Variants in USP34 observed in about 807,000 individuals in gnomAD.
USP34 encodes the protein ubiquitin specific peptidase 34.
A neutral mutation model predicts 460.3 loss-of-function variants in USP34; 70 were observed. The ratio of observed to expected loss-of-function variants is 0.15; its 90% confidence interval spans 0.13 to 0.19. The LOEUF (loss-of-function observed/expected upper bound fraction) is 0.19, where lower values mean the gene tolerates loss of function less well. Among genes scored for constraint, USP34 ranks in the 10% least tolerant of loss-of-function variants. The pLI, the probability that USP34 is intolerant of heterozygous loss-of-function variation, is 1.00. For missense variants in USP34, 3,985 were observed against 4,236.2 expected (o/e 0.94, Z 1.65); for synonymous variants, 1,647 against 1,405.3 (o/e 1.17, Z -3.85).
chr2:61,398,128 C>A (rs1320892379), intron 3 of USP34, among the ~76,000 whole-genome samples: 1 of 152,088 alleles, frequency 6.6e-6, no homozygotes, highest in East Asian at 1.9e-4. Flanking sequence ...AATCCCAGCA[C>A]TGTGGGAGGC....
chr2:61,430,639 T>C (rs570608925), intron 1 of USP34, among the ~76,000 whole-genome samples: 2 of 152,358 alleles, frequency 1.3e-5, no homozygotes, highest in East Asian at 3.9e-4. Flanking sequence ...AACAATTTAG[T>C]TAATTTTTAA....
At chr2:61,383,668 C>T (rs564836455) in intron 5 of USP34, among the ~76,000 whole-genome samples, 112 of 152,064 alleles carry the variant, frequency 7.4e-4, no homozygotes, top group African/African-American at 2.4e-3. Context: ...TGTGGTGAGC[C>T]GAGATTGTGC....
intron 67 of USP34, 45 bp downstream of exon 67, chr2:61,220,265 G>A: frequency 6.8e-7 from 1 of 1,461,696 alleles, no homozygotes; most frequent in Non-Finnish European, 9.1e-7. Flanking sequence ...ACATAACTTT[G>A]AACAATAAAT....
chr2:61,222,702 T>A (rs1687620766), intron 64 of USP34, 39 bp from the exon 65 acceptor site: 1 of 1,593,784 alleles, frequency 6.3e-7, no homozygotes. Flanking sequence ...TATTCTTGTT[T>A]TGTTTTGTTT....
At chr2:61,377,552 A>G (rs1035358828) in intron 8 of USP34, among the ~76,000 whole-genome samples, 1 of 152,112 alleles carries the variant, frequency 6.6e-6, no homozygotes, top group Non-Finnish European at 1.5e-5. Flanking sequence ...TAGTGGCCTA[A>G]TAAAAGGGAC....
At chr2:61,273,791 ACAAAT>A (rs966423313) in intron 41 of USP34, among the ~76,000 whole-genome samples, 6 of 152,210 alleles carry the variant, frequency 3.9e-5, no homozygotes, top group African/African-American at 1.4e-4. Flanking sequence ...GAATGAACAA[ACAAAT>A]CAATAAGATG....
intron 43 of USP34, among the ~76,000 whole-genome samples, chr2:61,264,077 T>C (rs780969701): frequency 9.7e-4 from 147 of 152,284 alleles, no homozygotes; most frequent in Non-Finnish European, 1.5e-3. Context: ...TGATAACTGC[T>C]TTTATAAGAC....
intron 10 of USP34, among the ~76,000 whole-genome samples, chr2:61,351,504 A>G (rs1691941288): frequency 1.3e-5 from 2 of 152,280 alleles, no homozygotes; most frequent in South Asian, 2.1e-4. Context: ...TAACTACTAA[A>G]TCAAGATAGG....
At chr2:61,409,480 A>C (rs1390010211) in intron 2 of USP34, among the ~76,000 whole-genome samples, 3 of 152,134 alleles carry the variant, frequency 2.0e-5, no homozygotes. Context: ...TTGGGAGGCC[A>C]AGGCAGGTGG....
At chr2:61,432,082 T>C (rs1694692557) in intron 1 of USP34, among the ~76,000 whole-genome samples, 1 of 151,718 alleles carries the variant, frequency 6.6e-6, no homozygotes, top group Non-Finnish European at 1.5e-5. Flanking sequence ...AGCTCACGCC[T>C]GTAATCACAG....
intron 5 of USP34, among the ~76,000 whole-genome samples, chr2:61,387,876 C>G (rs371549912): frequency 6.8e-6 from 1 of 146,840 alleles, no homozygotes; most frequent in Non-Finnish European, 1.5e-5. Context: ...TTTACGTATA[C>G]GCATATGTAA....
At chr2:61,342,331 C>T (rs1001108412) in intron 16 of USP34, among the ~76,000 whole-genome samples, 3 of 129,854 alleles carry the variant, frequency 2.3e-5, no homozygotes, top group Non-Finnish European at 4.7e-5. Context: ...GACGGAGTCT[C>T]ACTCTGTCAT....
At chr2:61,259,913 A>G in intron 43 of USP34, 137 bp from the exon 44 acceptor site, 2 of 647,070 alleles carry the variant, frequency 3.1e-6, no homozygotes, top group Non-Finnish European at 2.6e-6. Context: ...ACACCAACAC[A>G]TTCAATTCTT....
intron 10 of USP34, among the ~76,000 whole-genome samples, chr2:61,369,639 T>A (rs1164989619): frequency 4.6e-5 from 3 of 65,664 alleles, no homozygotes; most frequent in Non-Finnish European, 8.0e-5. Flanking sequence ...CAAGATTCCG[T>A]CTCAAAAAAA....
chr2:61,416,826 G>A lies in USP34; in HGVS notation c.131+3920C>T, dbSNP rs542728252. 195 of 390,856 alleles carry A rather than the reference G, an allele frequency of 5.0e-4. 23 individuals are homozygous for A. In the South Asian group the frequency reaches 0.012, roughly 25 times the overall value. 24.2% of individuals were successfully genotyped at this position (390,856 alleles called of 1,614,324 possible). On this transcript the variant is annotated intron_variant, in intron 2 of 79. Coordinates refer to ENST00000398571, the MANE Select transcript of USP34 (RefSeq NM_014709.4). ...CTCCCTAATCTTTTTTTTTTTGGGG[G>A]GGGGGACAGGAAGTAGAATGTATTG...
At chr2:61,340,624 G>C (rs1691565847) in intron 16 of USP34, among the ~76,000 whole-genome samples, 1 of 152,002 alleles carries the variant, frequency 6.6e-6, no homozygotes, top group Non-Finnish European at 1.5e-5. Context: ...TACCTATTAA[G>C]GTATGTGGTA....
At chr2:61,197,466 G>A (rs955287599) in intron 75 of USP34, among the ~76,000 whole-genome samples, 8 of 152,132 alleles carry the variant, frequency 5.3e-5, no homozygotes, top group South Asian at 2.1e-4. Flanking sequence ...AGTTAAGACT[G>A]TAGTCTACCC....
chr2:61,331,497 T>C lies in USP34; in HGVS notation c.2835-126A>G, dbSNP rs1214219882. On this transcript the variant is annotated intron_variant, in intron 19 of 79. Transcript: ENST00000398571. ...TGTAAAATTTTAGTTACGAAAAATA[T>C]ACACGTTTTATTTATATTTGAATGG... The C allele has an allele frequency of 8.0e-6, 5 of 624,794 alleles. No individual in the cohort carries two copies. In the East Asian group the frequency reaches 9.2e-5, roughly 12 times the overall value. 38.7% of individuals were successfully genotyped at this position (624,794 alleles called of 1,614,324 possible). A position where few individuals can be genotyped will look rare whatever the true frequency, so the allele number is the denominator to read the frequency against.
At position 61,370,378 on chromosome 2, in the gene USP34, C is replaced by G. The variant is rs747753959; in HGVS notation, c.1194G>C (p.Leu398Phe). The change falls in exon 10 of 80, where the codon TTG becomes TTC. Residue 398 changes from leucine to phenylalanine, a missense_variant. Coordinates refer to ENST00000398571, the MANE Select transcript of USP34 (RefSeq NM_014709.4). ...IKQCQVILNF[L>F]AAEGRLSTQH... Reference sequence around the variant, plus strand: ...GAGTACTCAGTCGCCCTTCTGCTGCCAAAAAATTCAAAATCACTTGGCACT... The same window carrying G: ...GAGTACTCAGTCGCCCTTCTGCTGCGAAAAAATTCAAAATCACTTGGCACT... 1.2e-6 allele frequency: 2 copies of G among 1,613,932 alleles called. No homozygotes were observed. Among genetic ancestry groups the G allele is most frequent in the Non-Finnish European group, 1.7e-6 (2 of 1,179,936 alleles).
Sources: gnomAD v4.1 joint callset for allele counts (sites outside exome capture counted in the v4.1 genomes callset) on GRCh38, gnomAD v4.1.1 for gene constraint, MANE v1.5 for transcripts, NCBI Gene and HGNC (gene_info 2026-07-23, HGNC 2026-07-21) for gene names.